ZNF385D: variants seen among roughly 807,000 people sequenced by gnomAD.
ZNF385D encodes zinc finger protein 659.
ZNF385D carries 15 observed loss-of-function variants against 35.8 expected under a neutral mutation model. The ratio of observed to expected loss-of-function variants is 0.42; its 90% confidence interval spans 0.28 to 0.64. The LOEUF (loss-of-function observed/expected upper bound fraction) is 0.64, where lower values mean the gene tolerates loss of function less well. ZNF385D is among the 30% of genes least tolerant of loss of function. ZNF385D has a pLI of 0.23. For missense variants in ZNF385D, 474 were observed against 494.6 expected, an observed-to-expected ratio of 0.96 and a Z score of 0.39; for synonymous variants, 212 against 186.8, an observed-to-expected ratio of 1.13 and a Z score of -1.10.
At chr3:22,182,493 G>A (rs1291220806) in intron 2 of ZNF385D, among the ~76,000 whole-genome samples, 2 of 151,844 alleles carry the variant, frequency 1.3e-5, no homozygotes, top group Non-Finnish European at 2.9e-5. Context: ...GCTGGATTTG[G>A]TTTCACAGGA....
At chr3:22,240,225 C>A (rs1699417635) in intron 2 of ZNF385D, among the ~76,000 whole-genome samples, 1 of 148,864 alleles carries the variant, frequency 6.7e-6, no homozygotes, top group South Asian at 2.3e-4. Flanking sequence ...CCTGGCTCCA[C>A]CAAAAAGTCA....
At chr3:21,982,560 T>C (rs1449219665) in intron 3 of ZNF385D, among the ~76,000 whole-genome samples, 6 of 152,182 alleles carry the variant, frequency 3.9e-5, no homozygotes, top group Admixed American at 3.9e-4. Context: ...CTCTTCCTAT[T>C]TGGAAGCCCT....
intron 1 of ZNF385D, among the ~76,000 whole-genome samples, chr3:21,734,196 T>C (rs904048981): frequency 2.6e-5 from 4 of 152,064 alleles, no homozygotes; most frequent in Non-Finnish European, 5.9e-5. Context: ...AGCGAAGAGT[T>C]TGTGAAAATA....
intron 3 of ZNF385D, among the ~76,000 whole-genome samples, chr3:21,778,362 A>G (rs2071370037): frequency 6.6e-6 from 1 of 151,920 alleles, no homozygotes; most frequent in East Asian, 1.9e-4. Context: ...CAACTACTTC[A>G]TTTTATCCCT....
At chr3:21,444,725 AG>A (rs1227827015) in intron 4 of ZNF385D, among the ~76,000 whole-genome samples, 1 of 152,180 alleles carries the variant, frequency 6.6e-6, no homozygotes, top group East Asian at 1.9e-4. Flanking sequence ...TTAGCTTCAT[AG>A]GGACCGGCCA....
intron 4 of ZNF385D, among the ~76,000 whole-genome samples, chr3:21,450,693 C>A (rs1702405008): frequency 6.6e-6 from 1 of 152,118 alleles, no homozygotes; most frequent in South Asian, 2.1e-4. Context: ...ACACATAATT[C>A]TAAGTGTTGG....
At chr3:22,357,080 T>C (rs540815362) in intron 2 of ZNF385D, among the ~76,000 whole-genome samples, 4 of 152,052 alleles carry the variant, frequency 2.6e-5, no homozygotes, top group East Asian at 1.9e-4. Flanking sequence ...AATTCCATCA[T>C]TGATTATCAA....
chr3:21,809,556 C>A (rs1161540069), intron 3 of ZNF385D, among the ~76,000 whole-genome samples: 4 of 151,078 alleles, frequency 2.6e-5, no homozygotes, highest in African/African-American at 4.9e-5. Context: ...ATGTATATAA[C>A]CCCTACAACA....
chr3:21,686,666 A>G (rs1221736992), intron 1 of ZNF385D, among the ~76,000 whole-genome samples: 1 of 152,206 alleles, frequency 6.6e-6, no homozygotes, highest in Non-Finnish European at 1.5e-5. Flanking sequence ...GCACACCTCA[A>G]TCTGGACTAG....
chr3:22,030,414 G>A (rs1171691500), intron 3 of ZNF385D, among the ~76,000 whole-genome samples: 2 of 148,598 alleles, frequency 1.3e-5, no homozygotes, highest in Non-Finnish European at 3.0e-5. Context: ...GAAAGTCAAG[G>A]GATAAGCAAG....
chr3:22,316,285 A>T (rs1192480738), intron 2 of ZNF385D, among the ~76,000 whole-genome samples: 1 of 152,188 alleles, frequency 6.6e-6, no homozygotes, highest in Non-Finnish European at 1.5e-5. Flanking sequence ...GAGTATTATT[A>T]AACTCCTGTC....
chr3:22,172,712 A>G (rs1052984803), intron 2 of ZNF385D, among the ~76,000 whole-genome samples: 2 of 152,200 alleles, frequency 1.3e-5, no homozygotes, highest in African/African-American at 4.8e-5. Flanking sequence ...TTGAGCAATA[A>G]TCAAAGCAAC....
chr3:22,249,701 A>G (rs1699968510), intron 2 of ZNF385D, among the ~76,000 whole-genome samples: 1 of 152,118 alleles, frequency 6.6e-6, no homozygotes, highest in South Asian at 2.1e-4. Context: ...TTTTTGACAA[A>G]CCCTTTCAAA....
chr3:21,694,336 A>G (rs1040386676), intron 1 of ZNF385D, among the ~76,000 whole-genome samples: 3 of 152,050 alleles, frequency 2.0e-5, no homozygotes, highest in Non-Finnish European at 4.4e-5. Context: ...CGCCCAGCCT[A>G]GAAAATATTT....
chr3:21,994,916 C>T (rs1695368358), intron 3 of ZNF385D, among the ~76,000 whole-genome samples: 1 of 152,262 alleles, frequency 6.6e-6, no homozygotes, highest in South Asian at 2.1e-4. Context: ...GGTCATTGGG[C>T]ACTAGTGGCA....
At chr3:21,493,180 C>T (rs1421095936) in intron 4 of ZNF385D, among the ~76,000 whole-genome samples, 2 of 151,944 alleles carry the variant, frequency 1.3e-5, no homozygotes, top group Admixed American at 1.3e-4. Flanking sequence ...GTATCAATAA[C>T]TGAAAATAAC....
At chr3:22,027,075 T>C (rs59900078) in intron 3 of ZNF385D, among the ~76,000 whole-genome samples, 13,293 of 152,256 alleles carry the variant, frequency 0.087, 625 homozygotes, top group East Asian at 0.16. Flanking sequence ...CCAAAGCAAT[T>C]TGCCTTCAGC....
intron 3 of ZNF385D, among the ~76,000 whole-genome samples, chr3:21,975,825 A>G (rs56343690): frequency 0.25 from 37,785 of 150,076 alleles, 5,348 homozygotes; most frequent in East Asian, 0.33. Flanking sequence ...AAATAAAAAA[A>G]AAATTAAGTG....
chr3:21,930,965 T>A (rs368726998), intron 3 of ZNF385D, among the ~76,000 whole-genome samples: 2 of 152,172 alleles, frequency 1.3e-5, no homozygotes, highest in East Asian at 1.9e-4. Flanking sequence ...AAATTCAACT[T>A]CATCAAAATA....
Sources: gnomAD v4.1 joint callset for allele counts (sites outside exome capture counted in the v4.1 genomes callset) on GRCh38, gnomAD v4.1.1 for gene constraint, MANE v1.5 for transcripts, NCBI Gene and HGNC (gene_info 2026-07-23, HGNC 2026-07-21) for gene names.